The following ZHX2 variants were observed in gnomAD, a reference collection of about 807,000 sequenced individuals.
The protein encoded by ZHX2 is zinc fingers and homeoboxes protein 2.
In ZHX2, 6 loss-of-function variants were observed where a neutral mutation model predicts 21.9. The observed-to-expected ratio is 0.27, with a 90% CI of 0.15 to 0.54. ZHX2 has a LOEUF of 0.54. ZHX2 is among the 20% of genes least tolerant of loss of function. The pLI, the probability that ZHX2 is intolerant of heterozygous loss-of-function variation, is 0.95. For synonymous variants in ZHX2, 434 were observed against 437.1 expected, an observed-to-expected ratio of 0.99 and a Z score of 0.09; for missense variants, 908 against 1,090.7, an observed-to-expected ratio of 0.83 and a Z score of 2.36.
In ZHX2 at chr8:122,935,771, G is replaced by A. The variant is rs187494105; in HGVS notation, c.-219-15521G>A. Among the ~76,000 whole-genome samples, 115 of 152,078 alleles carry A rather than the reference G, an allele frequency of 7.6e-4. 1 individual carries two copies. Among genetic ancestry groups the A allele is most frequent in the Non-Finnish European group, 2.4e-4 (16 of 67,980 alleles). ...AGGATTGTCTCGATCTCCTGACCTC[G>A]TGATCCGCCCACCTCAGCCTCCCAA... On this transcript the variant is annotated intron_variant, in intron 2 of 3. Transcript: ENST00000314393.
At chr8:122,847,291 C>T (rs931737375) in intron 1 of ZHX2, among the ~76,000 whole-genome samples, 7 of 152,176 alleles carry the variant, frequency 4.6e-5, no homozygotes, top group Non-Finnish European at 8.8e-5. Flanking sequence ...GTCTGCCTCC[C>T]CACTGAGGGG....
intron 2 of ZHX2, among the ~76,000 whole-genome samples, chr8:122,922,324 A>AT (rs561682186): frequency 6.6e-6 from 1 of 152,026 alleles, no homozygotes; most frequent in Non-Finnish European, 1.5e-5. Flanking sequence ...GACAAGCGGG[A>AT]TTTTTTTTAA....
At chr8:122,912,742 A>T (rs2130020564) in intron 2 of ZHX2, among the ~76,000 whole-genome samples, 1 of 152,312 alleles carries the variant, frequency 6.6e-6, no homozygotes, top group East Asian at 1.9e-4. Flanking sequence ...GTTAGCAAAT[A>T]CTTAAGCACC....
intron 2 of ZHX2, among the ~76,000 whole-genome samples, chr8:122,928,953 T>A (rs995897368): frequency 6.6e-6 from 1 of 152,258 alleles, no homozygotes; most frequent in Non-Finnish European, 1.5e-5. Flanking sequence ...TTACAATTAC[T>A]ATCATTATTA....
At chr8:122,835,124 T>G (rs1184889018) in intron 1 of ZHX2, among the ~76,000 whole-genome samples, 2 of 152,186 alleles carry the variant, frequency 1.3e-5, no homozygotes, top group African/African-American at 4.8e-5. Context: ...GTACTGAAAT[T>G]TTCTAATATA....
At position 122,841,903 on chromosome 8, in the gene ZHX2, C is replaced by T. The variant is rs551231047; in HGVS notation, c.-282-21574C>T. Among the ~76,000 whole-genome samples, 3 of 152,282 alleles carry T rather than the reference C, an allele frequency of 2.0e-5. No homozygotes were observed. In the East Asian group the frequency reaches 5.8e-4, roughly 29 times the overall value. On this transcript the variant is annotated intron_variant, in intron 1 of 3. Transcript: ENST00000314393. ...TACCCAGTGACAACCTAAACTTGTA[C>T]TGAGATATGAAGTCTCAGTATGAGA...
chr8:122,927,786 C>T (rs1476944720), intron 2 of ZHX2, among the ~76,000 whole-genome samples: 1 of 152,178 alleles, frequency 6.6e-6, no homozygotes, highest in African/African-American at 2.4e-5. Flanking sequence ...AGCTACAATT[C>T]AAGATGAGAT....
intron 2 of ZHX2, among the ~76,000 whole-genome samples, chr8:122,905,501 C>T (rs1474958743): frequency 6.6e-6 from 1 of 152,188 alleles, no homozygotes; most frequent in Admixed American, 6.5e-5. Context: ...GCCAACAGCT[C>T]TGCTATAAAA....
At chr8:122,908,081 G>A (rs1301644075) in intron 2 of ZHX2, among the ~76,000 whole-genome samples, 7 of 152,160 alleles carry the variant, frequency 4.6e-5, no homozygotes, top group Non-Finnish European at 7.3e-5. Context: ...TGTGTTCTCC[G>A]TGGATGAAAT....
At chr8:122,940,426 T>C (rs902435457) in intron 2 of ZHX2, among the ~76,000 whole-genome samples, 1 of 152,216 alleles carries the variant, frequency 6.6e-6, no homozygotes, top group Non-Finnish European at 1.5e-5. Context: ...CCCTGAGTTC[T>C]GACTGCCCTG....
chr8:122,790,567 C>T (rs746020899), intron 1 of ZHX2, among the ~76,000 whole-genome samples: 6 of 152,088 alleles, frequency 3.9e-5, no homozygotes, highest in East Asian at 1.9e-4. Context: ...TGGGTGTGCT[C>T]GGACAATCCT....
intron 1 of ZHX2, chr8:122,810,681 C>T (rs1050236265): frequency 2.7e-5 from 4 of 150,816 alleles, no homozygotes; most frequent in African/African-American, 9.7e-5. Context: ...CAGCCAGTAG[C>T]AGCTCCTCTC....
chr8:122,887,267 G>A (rs1360207492), intron 2 of ZHX2, among the ~76,000 whole-genome samples: 10 of 151,522 alleles, frequency 6.6e-5, no homozygotes, highest in Admixed American at 2.0e-4. Flanking sequence ...TAATCCCAGC[G>A]CTTTGGGAGG....
intron 2 of ZHX2, among the ~76,000 whole-genome samples, chr8:122,947,557 CT>C (rs1339333568): frequency 6.6e-6 from 1 of 152,224 alleles, no homozygotes; most frequent in African/African-American, 2.4e-5. Context: ...ACTTGCTCCT[CT>C]TTTAACCACA....
At chr8:122,946,196 A>G (rs1427160728) in intron 2 of ZHX2, among the ~76,000 whole-genome samples, 1 of 152,006 alleles carries the variant, frequency 6.6e-6, no homozygotes, top group African/African-American at 2.4e-5. Context: ...ACTTTGCTCA[A>G]AACTGCAAGT....
At chr8:122,811,451 G>T (rs1032462092) in intron 1 of ZHX2, among the ~76,000 whole-genome samples, 2 of 152,192 alleles carry the variant, frequency 1.3e-5, no homozygotes, top group African/African-American at 4.8e-5. Flanking sequence ...TATGATGCAG[G>T]TTCACTGGCT....
chr8:122,968,970 C>T (rs546425674), intron 3 of ZHX2, among the ~76,000 whole-genome samples: 3 of 152,020 alleles, frequency 2.0e-5, no homozygotes, highest in Admixed American at 6.5e-5. Context: ...ACCAGCCTGG[C>T]GAACATAGTG....
Position 122,918,674 on chromosome 8 carries a change from C to T in ZHX2, c.-219-32618C>T, listed in dbSNP as rs533370911. Among the ~76,000 whole-genome samples the T allele has an allele frequency of 1.9e-4, 29 of 152,240 alleles. No homozygotes were observed. In the South Asian group the frequency reaches 5.4e-3, roughly 28 times the overall value. On this transcript the variant is annotated intron_variant, in intron 2 of 3. Coordinates refer to ENST00000314393, the MANE Select transcript of ZHX2 (RefSeq NM_014943.5). Reference sequence around the variant, plus strand: ...ATAAAACTTTCTTTACGTCCGGGCGCGGTGGCTCACACCTGTAATCCCAGC... The same window carrying T: ...ATAAAACTTTCTTTACGTCCGGGCGTGGTGGCTCACACCTGTAATCCCAGC...
intron 2 of ZHX2, among the ~76,000 whole-genome samples, chr8:122,903,692 A>C (rs1586375056): frequency 6.6e-6 from 1 of 151,322 alleles, no homozygotes. Context: ...AAGACTTTGA[A>C]AGGGGAGTGG....
Sources: allele counts gnomAD v4.1 joint callset (sites outside exome capture counted in the v4.1 genomes callset), GRCh38; gene constraint gnomAD v4.1.1; transcripts MANE v1.5; gene names NCBI Gene and HGNC (gene_info 2026-07-23, HGNC 2026-07-21).